The following PCSK5 variants were observed in gnomAD, a reference collection of about 807,000 sequenced individuals.
PCSK5 encodes the protein prohormone convertase 5.
A neutral mutation model predicts 233.2 loss-of-function variants in PCSK5; 129 were observed. The ratio of observed to expected loss-of-function variants is 0.55; its 90% CI spans 0.48 to 0.64. The LOEUF (loss-of-function observed/expected upper bound fraction) is 0.64, where lower values mean the gene tolerates loss of function less well. Among genes scored for constraint, PCSK5 ranks in the 30% least tolerant of loss-of-function variants. PCSK5 has a pLI of 0.00. For missense variants in PCSK5, 2,076 were observed against 2,430.1 expected, an observed-to-expected ratio of 0.85 and a Z score of 3.06; for synonymous variants, 825 against 879.2, an observed-to-expected ratio of 0.94 and a Z score of 1.09.
chr9:76,286,317 A>G, intron 24 of PCSK5, among the ~76,000 whole-genome samples: 1 of 152,236 alleles, frequency 6.6e-6, no homozygotes. Flanking sequence ...TCTGAGGTCC[A>G]TCAATCCTTT....
intron 1 of PCSK5, among the ~76,000 whole-genome samples, chr9:75,899,152 G>C (rs1825923202): frequency 6.6e-6 from 1 of 152,186 alleles, no homozygotes; most frequent in African/African-American, 2.4e-5. Flanking sequence ...AGAATGTGAA[G>C]ATAGCTGTAA....
chr9:76,065,796 A>G (rs1427926798), intron 5 of PCSK5, among the ~76,000 whole-genome samples: 5 of 152,000 alleles, frequency 3.3e-5, no homozygotes, highest in Non-Finnish European at 7.4e-5. Flanking sequence ...CAGGTCTTAC[A>G]TTTTAATTTG....
At chr9:76,272,789 A>AG (rs1176967130) in intron 24 of PCSK5, among the ~76,000 whole-genome samples, 1 of 143,380 alleles carries the variant, frequency 7.0e-6, no homozygotes, top group Non-Finnish European at 1.5e-5. Context: ...AAAAAAAAAA[A>AG]AAAAAAAAAA....
chr9:76,355,628 T>G (rs1587373909), intron 37 of PCSK5, among the ~76,000 whole-genome samples: 1 of 152,118 alleles, frequency 6.6e-6, no homozygotes, highest in African/African-American at 2.4e-5. Flanking sequence ...GTAAAGAAAA[T>G]CCCAGACCCA....
intron 7 of PCSK5, among the ~76,000 whole-genome samples, chr9:76,082,949 G>A (rs930436150): frequency 6.6e-5 from 10 of 151,836 alleles, no homozygotes; most frequent in East Asian, 1.9e-4. Flanking sequence ...TGGCTCATGC[G>A]TGTTATAACA....
intron 24 of PCSK5, among the ~76,000 whole-genome samples, chr9:76,243,651 G>A (rs548379993): frequency 1.3e-5 from 2 of 152,088 alleles, no homozygotes; most frequent in Non-Finnish European, 2.9e-5. Context: ...TTTTAGAGGT[G>A]ACTAGTGTAA....
In PCSK5 at chr9:76,359,558, C is replaced by T. The variant is rs187523264; in HGVS notation, c.*636C>T. 6.5e-6 allele frequency: 1 copy of T among 152,692 alleles called. No homozygotes were observed. Among genetic ancestry groups the T allele is most frequent in the Admixed American group, 6.5e-5 (1 of 15,344 alleles). The allele number at this position is 152,692 out of a possible 1,614,324, so 9.5% of individuals were successfully genotyped here. A position where few individuals can be genotyped will look rare whatever the true frequency, so the allele number is the denominator to read the frequency against. On this transcript the variant is annotated 3_prime_UTR_variant, in exon 38 of 38. Coordinates refer to ENST00000674117, the MANE Select transcript of PCSK5 (RefSeq NM_001372043.1). ...GAAGAAAAGAGAAGGTGCATCATAG[C>T]TGAGGAGCCATGAGGTCACCCCAGG... is the stretch of plus-strand genomic sequence containing the variant.
At chr9:76,092,325 C>A (rs1254637851) in intron 7 of PCSK5, among the ~76,000 whole-genome samples, 1 of 152,148 alleles carries the variant, frequency 6.6e-6, no homozygotes, top group Middle Eastern at 3.2e-3. Flanking sequence ...CAAAAGAAGA[C>A]TATTGTAAGG....
chr9:76,355,552 T>C (rs556760376), intron 37 of PCSK5, among the ~76,000 whole-genome samples: 1 of 152,302 alleles, frequency 6.6e-6, no homozygotes, highest in Admixed American at 6.5e-5. Context: ...ATAATTTCCT[T>C]GGGGTTCAGA....
intron 1 of PCSK5, among the ~76,000 whole-genome samples, chr9:75,919,472 A>C (rs966997283): frequency 6.6e-6 from 1 of 152,190 alleles, no homozygotes; most frequent in African/African-American, 2.4e-5. Flanking sequence ...GAATATACTT[A>C]GGAGTAGGAT....
chr9:76,094,207 AAG>A lies in PCSK5; in HGVS notation c.895-1680_895-1679del, dbSNP rs529968067. ...TGTTCCTTGAGGATTCAAGGTCAGG[AAG>A]AGTTTATCACAGATACTCCAGACTT... On this transcript the variant is annotated intron_variant, in intron 7 of 37. Transcript: ENST00000674117. Among the ~76,000 whole-genome samples, 556 of 152,338 alleles carry A rather than the reference AAG, an allele frequency of 3.6e-3. 3 individuals are homozygous for A. The highest frequency in any genetic ancestry group is 0.013 in the African/African-American group (523 of 41,574).
rs771344975 is a variant in PCSK5 at position 76,358,670 on chromosome 9, C to T, written c.5412C>T (p.Ala1804=). The T allele has an allele frequency of 5.3e-5, 86 of 1,612,604 alleles. No individual in the cohort carries two copies. The highest frequency in any genetic ancestry group is 1.2e-4 in the Admixed American group (7 of 59,978). Reference sequence around the variant, plus strand: ...GCCGAGTCCAGCCAGCAGCAAAGGCCGGCTATGAAAAACTGGCCGACCCCA... The same window carrying T: ...GCCGAGTCCAGCCAGCAGCAAAGGCTGGCTATGAAAAACTGGCCGACCCCA... ...SRGRVQPAAK[A]GYEKLADPNK... The change falls in exon 38 of 38, where the codon GCC becomes GCT. Residue 1804 remains alanine (A), a synonymous_variant. Coordinates refer to ENST00000674117, the MANE Select transcript of PCSK5 (RefSeq NM_001372043.1).
chr9:76,304,554 C>T (rs995627433), intron 28 of PCSK5, among the ~76,000 whole-genome samples: 5 of 151,788 alleles, frequency 3.3e-5, no homozygotes, highest in African/African-American at 7.3e-5. Flanking sequence ...GCACTTGACA[C>T]GTATTATCTC....
At chr9:76,302,316 G>C (rs1451027692) in intron 28 of PCSK5, 99 bp downstream of exon 28, 1 of 475,486 alleles carries the variant, frequency 2.1e-6, no homozygotes, top group African/African-American at 2.1e-5. Context: ...GAGGCCAGAA[G>C]CAAATGGGGT....
intron 24 of PCSK5, among the ~76,000 whole-genome samples, chr9:76,247,054 G>A (rs922105462): frequency 2.0e-5 from 3 of 152,206 alleles, no homozygotes; most frequent in Admixed American, 1.3e-4. Context: ...GTGGAACCCA[G>A]TGACTAGTGT....
chr9:75,995,040 C>T (rs1826951826), intron 3 of PCSK5, among the ~76,000 whole-genome samples: 1 of 152,220 alleles, frequency 6.6e-6, no homozygotes, highest in Non-Finnish European at 1.5e-5. Context: ...CTTCCCTTCA[C>T]AGATCCTTTA....
intron 24 of PCSK5, among the ~76,000 whole-genome samples, chr9:76,291,192 A>G (rs1292646599): frequency 6.6e-6 from 1 of 152,214 alleles, no homozygotes; most frequent in East Asian, 1.9e-4. Flanking sequence ...ATCATTTGGT[A>G]GCCTCCCTAG....
chr9:75,964,049 T>A (rs1254181998), intron 2 of PCSK5, among the ~76,000 whole-genome samples: 1 of 152,210 alleles, frequency 6.6e-6, no homozygotes, highest in Non-Finnish European at 1.5e-5. Flanking sequence ...GGAAACAACA[T>A]CCAACTGCTT....
In PCSK5 at chr9:76,159,160, T is replaced by C. The variant is rs748681408; in HGVS notation, c.1608T>C (p.Leu536=). 1 of 1,613,982 alleles carries C rather than the reference T, an allele frequency of 6.2e-7. No individual in the cohort carries two copies. Among genetic ancestry groups the C allele is most frequent in the Non-Finnish European group, 8.5e-7 (1 of 1,179,930 alleles). The stretch of plus-strand genomic sequence containing the variant: ...CGCCCTCTGGAACTAGGTCTCAGCT[T>C]TTGGCCAACAGGTACAGCAGTGGTC... ...LTSPSGTRSQ[L]LANRLFDHSM... is the part of the protein sequence containing the mutation. The change falls in exon 12 of 38, where the codon CTT becomes CTC. Residue 536 remains leucine, a synonymous_variant. Transcript: ENST00000674117.
Sources: allele counts gnomAD v4.1 joint callset (sites outside exome capture counted in the v4.1 genomes callset), GRCh38; gene constraint gnomAD v4.1.1; transcripts MANE v1.5; gene names NCBI Gene and HGNC (gene_info 2026-07-23, HGNC 2026-07-21).